Variants in UEVLD observed in about 807,000 individuals in gnomAD.
UEVLD encodes ubiquitin-conjugating enzyme E2 variant 3.
In UEVLD, 47 loss-of-function variants were observed where a neutral mutation model predicts 58.6. The observed-to-expected ratio is 0.80, with a 90% confidence interval of 0.63 to 1.02. UEVLD has a LOEUF of 1.02. Among genes scored for constraint, UEVLD ranks in the 50% least tolerant of loss-of-function variants. The pLI, the probability that UEVLD is intolerant of heterozygous loss-of-function variation, is 0.00. For missense variants in UEVLD, 510 were observed against 550.6 expected, an observed-to-expected ratio of 0.93 and a Z score of 0.74; for synonymous variants, 197 against 195.3, an observed-to-expected ratio of 1.01 and a Z score of -0.07.
At chr11:18,586,269 C>T (rs1347725354) in intron 1 of UEVLD, among the ~76,000 whole-genome samples, 1 of 152,058 alleles carries the variant, frequency 6.6e-6, no homozygotes, top group African/African-American at 2.4e-5. Flanking sequence ...GGCTGGAGTG[C>T]AGTGGCACGA....
chr11:18,583,017 G>T (rs191038681), intron 1 of UEVLD, among the ~76,000 whole-genome samples: 54 of 152,108 alleles, frequency 3.6e-4, no homozygotes, highest in Admixed American at 7.9e-4. Flanking sequence ...CCATTTCCCG[G>T]GTTCAAGCAA....
chr11:18,535,885 C>G (rs1272322940), intron 10 of UEVLD, among the ~76,000 whole-genome samples: 1 of 152,134 alleles, frequency 6.6e-6, no homozygotes, highest in East Asian at 1.9e-4. Context: ...ACCTGTAATC[C>G]CGGCACTTTG....
At chr11:18,547,441 T>C (rs962128132) in intron 7 of UEVLD, among the ~76,000 whole-genome samples, 4 of 152,090 alleles carry the variant, frequency 2.6e-5, no homozygotes, top group Admixed American at 6.5e-5. Context: ...AGAGATTCAG[T>C]TGAACCCAGG....
Position 18,531,251 on chromosome 11 carries a change from A to G in UEVLD, c.*1069T>C, listed in dbSNP as rs995033251. On this transcript the variant is annotated 3_prime_UTR_variant, in exon 12 of 12. Transcript: ENST00000396197. Reference sequence around the variant, plus strand: ...TTCCTTTTATAAAATGATGATGGCAATAGTCCCTACCTCAGTGGTCTGTTG... The same window carrying G: ...TTCCTTTTATAAAATGATGATGGCAGTAGTCCCTACCTCAGTGGTCTGTTG... The G allele has an allele frequency of 8.5e-5, 13 of 152,344 alleles. No individual in the cohort carries two copies. The highest frequency in any genetic ancestry group is 2.9e-4 in the African/African-American group (12 of 41,576). 9.4% of individuals were successfully genotyped at this position (152,344 alleles called of 1,614,324 possible).
chr11:18,549,367 C>T (rs185038152), intron 7 of UEVLD, among the ~76,000 whole-genome samples: 45 of 152,320 alleles, frequency 3.0e-4, no homozygotes, highest in Admixed American at 2.2e-3. Context: ...GCTTCCTCAT[C>T]TTCAAGGTTG....
chr11:18,542,337 A>C (rs1590315592), intron 9 of UEVLD, among the ~76,000 whole-genome samples: 1 of 152,136 alleles, frequency 6.6e-6, no homozygotes, highest in African/African-American at 2.4e-5. Flanking sequence ...CATGAATTTC[A>C]AATGTATTCA....
At position 18,566,331 on chromosome 11, in the gene UEVLD, T is replaced by A; in HGVS notation, c.493+16A>T. The A allele has an allele frequency of 4.3e-6, 7 of 1,613,472 alleles. No individual in the cohort carries two copies. The highest frequency in any genetic ancestry group is 5.9e-6 in the Non-Finnish European group (7 of 1,179,972). ...CTCATAACTCTCAAGATAATCTGCC[T>A]GACAAATATACAAACCTTCAGTGAT... is the stretch of plus-strand genomic sequence containing the variant. On this transcript the variant is annotated intron_variant, in intron 5 of 11. Coordinates refer to ENST00000396197, the MANE Select transcript of UEVLD (RefSeq NM_001040697.4).
chr11:18,584,537 T>C (rs769805858), intron 1 of UEVLD, among the ~76,000 whole-genome samples: 1 of 152,200 alleles, frequency 6.6e-6, no homozygotes, highest in Non-Finnish European at 1.5e-5. Flanking sequence ...ACAAACCACA[T>C]GTGGCTACTA....
chr11:18,542,154 A>G (rs376760869), intron 9 of UEVLD, among the ~76,000 whole-genome samples: 56 of 152,298 alleles, frequency 3.7e-4, no homozygotes, highest in African/African-American at 1.3e-3. Context: ...GTGAGAGCAC[A>G]CAATAAACAT....
chr11:18,534,043 G>T (rs142424120), intron 11 of UEVLD, among the ~76,000 whole-genome samples: 2 of 152,168 alleles, frequency 1.3e-5, no homozygotes, highest in Non-Finnish European at 2.9e-5. Context: ...CAACCTCCCA[G>T]GCTCAAGAGA....
chr11:18,566,664 A>G (rs111295430), intron 4 of UEVLD, among the ~76,000 whole-genome samples, 182 bp from the exon 5 acceptor site: 5 of 152,074 alleles, frequency 3.3e-5, no homozygotes, highest in Admixed American at 6.6e-5. Flanking sequence ...CAAACAAAAA[A>G]TCTTTTTTAA....
intron 10 of UEVLD, among the ~76,000 whole-genome samples, chr11:18,535,818 G>A (rs543934701): frequency 6.6e-6 from 1 of 152,202 alleles, no homozygotes; most frequent in Admixed American, 6.5e-5. Context: ...TTTTTAAGTG[G>A]TGTGGACAAA....
chr11:18,574,363 C>G (rs1026192482), intron 3 of UEVLD, among the ~76,000 whole-genome samples: 1 of 152,176 alleles, frequency 6.6e-6, no homozygotes, highest in Non-Finnish European at 1.5e-5. Flanking sequence ...GTCTTGAACT[C>G]CTGACCTCAA....
At chr11:18,560,743 G>A (rs1851993893) in intron 6 of UEVLD, among the ~76,000 whole-genome samples, 1 of 152,144 alleles carries the variant, frequency 6.6e-6, no homozygotes, top group African/African-American at 2.4e-5. Flanking sequence ...GGGCATGGTG[G>A]CTCAGCCCTG....
At chr11:18,562,438 A>C (rs905207646) in intron 6 of UEVLD, among the ~76,000 whole-genome samples, 2 of 151,898 alleles carry the variant, frequency 1.3e-5, no homozygotes, top group Admixed American at 1.3e-4. Flanking sequence ...GCTACTCGGG[A>C]GGCTGAGGTA....
intron 6 of UEVLD, chr11:18,564,049 G>A (rs1208119419): frequency 1.1e-5 from 3 of 282,890 alleles, no homozygotes; most frequent in South Asian, 6.7e-5. Flanking sequence ...TTCAAATGGA[G>A]GGTGAAAGAA....
At chr11:18,577,811 G>A (rs1172239836) in intron 2 of UEVLD, among the ~76,000 whole-genome samples, 2 of 149,854 alleles carry the variant, frequency 1.3e-5, no homozygotes, top group African/African-American at 2.5e-5. Flanking sequence ...GGCAGAGGTT[G>A]CAGTGAGCTG....
intron 1 of UEVLD, among the ~76,000 whole-genome samples, chr11:18,586,689 AATT>A (rs1760457991): frequency 1.3e-5 from 2 of 152,072 alleles, no homozygotes; most frequent in Admixed American, 1.3e-4. Flanking sequence ...CCTAGACTAA[AATT>A]ATTTCTAGAT....
chr11:18,540,761 T>A (rs907431838), intron 9 of UEVLD, among the ~76,000 whole-genome samples: 1 of 152,310 alleles, frequency 6.6e-6, no homozygotes, highest in South Asian at 2.1e-4. Flanking sequence ...AATTACCACA[T>A]CTCTTCCCTG....
Sources: allele counts gnomAD v4.1 joint callset (sites outside exome capture counted in the v4.1 genomes callset), GRCh38; gene constraint gnomAD v4.1.1; transcripts MANE v1.5; gene names NCBI Gene and HGNC (gene_info 2026-07-23, HGNC 2026-07-21).